Variants in CTNNA2 observed in about 807,000 individuals in gnomAD.
CTNNA2 encodes catenin alpha-2.
In CTNNA2, 42 loss-of-function variants were observed where a neutral mutation model predicts 101.0. That is an observed-to-expected ratio of 0.42 (90% CI 0.32 to 0.54). The LOEUF is 0.54. Ranked by LOEUF, CTNNA2 falls within the 20% of genes least tolerant of loss-of-function variation. The probability of loss-of-function intolerance (pLI) is 0.14; values close to 1 mark genes in which losing one functional copy is unlikely to be tolerated. For synonymous variants in CTNNA2, 450 were observed against 456.4 expected, an observed-to-expected ratio of 0.99 and a Z score of 0.18; for missense variants, 871 against 1,223.1, an observed-to-expected ratio of 0.71 and a Z score of 4.29.
At chr2:79,616,251 A>G (rs532991684) in intron 1 of CTNNA2, among the ~76,000 whole-genome samples, 12 of 152,282 alleles carry the variant, frequency 7.9e-5, no homozygotes, top group African/African-American at 2.9e-4. Flanking sequence ...TTTTTAAAGT[A>G]GCAATTCAAT....
intron 7 of CTNNA2, among the ~76,000 whole-genome samples, chr2:79,957,654 T>G (rs151141229): frequency 0.012 from 1,813 of 152,316 alleles, 20 homozygotes; most frequent in Non-Finnish European, 0.02. Context: ...TGCTCTGACC[T>G]CTGTGTCAAC....
At chr2:79,755,085 G>T (rs745328799) in intron 3 of CTNNA2, among the ~76,000 whole-genome samples, 1 of 151,948 alleles carries the variant, frequency 6.6e-6, no homozygotes, top group Non-Finnish European at 1.5e-5. Context: ...CAGTGCTTTG[G>T]GATGCTAAGG....
chr2:79,288,860 T>C lies in CTNNA2; in HGVS notation c.-405-23849T>C, dbSNP rs1001507573. ...GGGGGAACTTTCAAACAATGTGTGATCTTCTTTAATGAGACACATCATAAG... is the reference window on the plus strand; with the variant it reads ...GGGGGAACTTTCAAACAATGTGTGACCTTCTTTAATGAGACACATCATAAG... On this transcript the variant is annotated intron_variant, in intron 2 of 21. Coordinates refer to the CTNNA2 transcript ENST00000466387. Among the ~76,000 whole-genome samples the C allele has an allele frequency of 5.3e-5, 8 of 152,228 alleles. 1 individual carries two copies. The highest frequency in any genetic ancestry group is 1.0e-4 in the Non-Finnish European group (7 of 68,038).
At position 79,628,885 on chromosome 2, in the gene CTNNA2, G is replaced by C. The variant is rs544422962; in HGVS notation, c.-5-22667G>C. The stretch of plus-strand genomic sequence containing the variant: ...CACTCTTTGCAGCCCTGACCCTTTA[G>C]TTAATTTTTCAGAAACCTTAGCAAC... On this transcript the variant is annotated intron_variant, in intron 1 of 18. Transcript: ENST00000402739. Among the ~76,000 whole-genome samples the C allele has an allele frequency of 2.1e-4, 32 of 152,220 alleles. No homozygotes were observed. The South Asian group carries it at 6.4e-3, about 31-fold the overall frequency.
intron 7 of CTNNA2, among the ~76,000 whole-genome samples, chr2:80,170,116 T>A (rs975760896): frequency 1.3e-5 from 2 of 152,188 alleles, no homozygotes; most frequent in African/African-American, 4.8e-5. Flanking sequence ...ATTTACATTT[T>A]CTGGACTAAA....
At chr2:79,597,188 C>T (rs1475853207) in intron 1 of CTNNA2, among the ~76,000 whole-genome samples, 1 of 152,084 alleles carries the variant, frequency 6.6e-6, no homozygotes, top group Admixed American at 6.5e-5. Context: ...ATTAGCTGCC[C>T]CCGTCCGGGC....
intron 16 of CTNNA2, among the ~76,000 whole-genome samples, chr2:80,607,804 A>T (rs1033685170): frequency 1.3e-5 from 2 of 151,874 alleles, no homozygotes; most frequent in Non-Finnish European, 2.9e-5. Context: ...ACACAAAGTG[A>T]TTTACTTTTA....
chr2:79,412,744 C>A (rs1173653535), intron 4 of CTNNA2, among the ~76,000 whole-genome samples: 1 of 151,912 alleles, frequency 6.6e-6, no homozygotes, highest in Non-Finnish European at 1.5e-5. Context: ...ACATTCAAAG[C>A]AGTGTGTAGA....
At chr2:80,211,866 C>T (rs1282598277) in intron 7 of CTNNA2, among the ~76,000 whole-genome samples, 6 of 145,210 alleles carry the variant, frequency 4.1e-5, no homozygotes, top group Admixed American at 6.8e-5. Flanking sequence ...AATGTTCTTC[C>T]TTTGTTTGTG....
intron 5 of CTNNA2, among the ~76,000 whole-genome samples, chr2:79,871,075 G>A (rs1682549934): frequency 6.6e-6 from 1 of 152,170 alleles, no homozygotes; most frequent in African/African-American, 2.4e-5. Context: ...TTCCAAATGT[G>A]GAAGGATCTC....
chr2:79,305,399 TGTATACAG>T (rs1486170268), intron 2 of CTNNA2, among the ~76,000 whole-genome samples: 5 of 149,126 alleles, frequency 3.4e-5, no homozygotes, highest in Non-Finnish European at 7.4e-5. Flanking sequence ...TATTTCTGCA[TGTATACAG>T]GTAAATTCAG....
intron 7 of CTNNA2, among the ~76,000 whole-genome samples, chr2:80,235,387 G>A (rs1012475473): frequency 6.6e-6 from 1 of 152,158 alleles, no homozygotes; most frequent in Admixed American, 6.5e-5. Context: ...TTCTGCTCTT[G>A]AAGGAACTAT....
intron 4 of CTNNA2, among the ~76,000 whole-genome samples, chr2:79,427,035 C>G (rs1678598400): frequency 2.0e-5 from 3 of 152,014 alleles, no homozygotes; most frequent in Admixed American, 2.0e-4. Flanking sequence ...TTGCAAACCT[C>G]TCTCACAACC....
chr2:80,411,066 C>T (rs930499907), intron 8 of CTNNA2, among the ~76,000 whole-genome samples: 2 of 152,146 alleles, frequency 1.3e-5, no homozygotes, highest in South Asian at 2.1e-4. Flanking sequence ...CATATCAAAG[C>T]GTGGAAAATG....
intron 2 of CTNNA2, among the ~76,000 whole-genome samples, chr2:79,204,842 A>C (rs1469924842): frequency 6.6e-6 from 1 of 152,194 alleles, no homozygotes; most frequent in Non-Finnish European, 1.5e-5. Flanking sequence ...CCACCTCCAC[A>C]GGCCGTTTTC....
chr2:79,338,572 C>CTCCTCT (rs1206814071), intron 3 of CTNNA2, among the ~76,000 whole-genome samples: 5 of 127,164 alleles, frequency 3.9e-5, no homozygotes, highest in African/African-American at 1.5e-4. Flanking sequence ...CTTCTTCCTC[C>CTCCTCT]TCATCATCTT....
chr2:80,569,156 C>T (rs1694331835), intron 12 of CTNNA2, among the ~76,000 whole-genome samples: 1 of 152,112 alleles, frequency 6.6e-6, no homozygotes, highest in East Asian at 1.9e-4. Context: ...TCTGAAACTT[C>T]ATCCCTGACG....
chr2:79,288,842 C>A (rs1469203730), intron 2 of CTNNA2, among the ~76,000 whole-genome samples: 1 of 152,164 alleles, frequency 6.6e-6, no homozygotes, highest in East Asian at 1.9e-4. Flanking sequence ...AGTGGGGGAA[C>A]TTTCAAACAA....
At chr2:80,543,852 C>T (rs920617787) in intron 9 of CTNNA2, among the ~76,000 whole-genome samples, 5 of 152,146 alleles carry the variant, frequency 3.3e-5, no homozygotes, top group Non-Finnish European at 5.9e-5. Context: ...GGCAGGCGGC[C>T]ACAAGACTCC....
Sources: allele counts gnomAD v4.1 joint callset (sites outside exome capture counted in the v4.1 genomes callset), GRCh38; gene constraint gnomAD v4.1.1; transcripts MANE v1.5; gene names NCBI Gene and HGNC (gene_info 2026-07-23, HGNC 2026-07-21).